Variants in HADHB observed in about 807,000 individuals in gnomAD.
HADHB encodes the protein hydroxyacyl-CoA dehydrogenase trifunctional multienzyme complex subunit beta.
HADHB carries 50 observed loss-of-function variants against 61.9 expected under a neutral mutation model. The observed-to-expected ratio is 0.81, with a 90% CI of 0.64 to 1.02. The LOEUF (loss-of-function observed/expected upper bound fraction) is 1.02, where lower values mean the gene tolerates loss of function less well. Among genes scored for constraint, HADHB ranks in the 50% least tolerant of loss-of-function variants. The pLI is 0.00. For missense variants in HADHB, 504 were observed against 586.5 expected (o/e 0.86, Z 1.45); for synonymous variants, 191 against 201.6 (o/e 0.95, Z 0.45).
chr2:26,254,275 C>G lies in HADHB; in HGVS notation c.21C>G (p.Pro7=). The G allele has an allele frequency of 6.6e-7, 1 of 1,504,652 alleles. No homozygotes were observed. Among genetic ancestry groups the G allele is most frequent in the African/African-American group, 1.4e-5 (1 of 73,046 alleles). The allele number at this position is 1,504,652 out of a possible 1,614,324, so 93.2% of individuals were successfully genotyped here. MTILTY[P]FKNLPTASKW... The stretch of plus-strand genomic sequence containing the variant: ...CCAGAATGACTATCTTGACTTACCC[C>G]TTTAAAAATCTTCCCACTGCATCAA... Residue 7 remains proline (P), a synonymous_variant, in exon 2 of 16, where the codon CCC becomes CCG. Coordinates refer to ENST00000317799, the MANE Select transcript of HADHB (RefSeq NM_000183.3).
chr2:26,272,969 G>A (rs1358250773), intron 5 of HADHB, among the ~76,000 whole-genome samples: 1 of 151,962 alleles, frequency 6.6e-6, no homozygotes, highest in Non-Finnish European at 1.5e-5. Context: ...TGTAGCCCCA[G>A]CTACTCAGGA....
At chr2:26,262,411 T>C (rs978481274) in intron 3 of HADHB, among the ~76,000 whole-genome samples, 1 of 152,248 alleles carries the variant, frequency 6.6e-6, no homozygotes, top group Non-Finnish European at 1.5e-5. Context: ...AAGAAACGAT[T>C]TGAAAGTATA....
At chr2:26,277,253 T>TTTG in intron 7 of HADHB, 93 bp downstream of exon 7, 1 of 645,772 alleles carries the variant, frequency 1.5e-6, no homozygotes, top group Non-Finnish European at 2.7e-6. Flanking sequence ...TTTTTTTTTT[T>TTTG]TTAACACAGA....
At chr2:26,254,053 T>C (rs1473109950) in intron 1 of HADHB, among the ~76,000 whole-genome samples, 194 bp from the exon 2 acceptor site, 1 of 152,068 alleles carries the variant, frequency 6.6e-6, no homozygotes, top group African/African-American at 2.4e-5. Flanking sequence ...ATGCTTAGAA[T>C]AGTGGTTGCT....
intron 10 of HADHB, among the ~76,000 whole-genome samples, chr2:26,282,123 C>CAGCT (rs1298626985): frequency 2.6e-5 from 4 of 151,722 alleles, no homozygotes; most frequent in Non-Finnish European, 5.9e-5. Context: ...GGGCAGAAAG[C>CAGCT]AGCTGAGAGC....
intron 14 of HADHB, 86 bp downstream of exon 14, chr2:26,285,043 G>C (rs1672969187): frequency 1.3e-6 from 1 of 771,336 alleles, no homozygotes; most frequent in African/African-American, 1.7e-5. Flanking sequence ...GAATATGAAG[G>C]GAAAGCTTCT....
chr2:26,283,263 G>A (rs1337593184), intron 12 of HADHB, among the ~76,000 whole-genome samples: 1 of 152,024 alleles, frequency 6.6e-6, no homozygotes, highest in Non-Finnish European at 1.5e-5. Flanking sequence ...GGTGGCTCAC[G>A]CCTGTAATCC....
intron 1 of HADHB, among the ~76,000 whole-genome samples, chr2:26,251,940 C>T (rs1182848114): frequency 1.3e-5 from 2 of 152,208 alleles, no homozygotes; most frequent in Non-Finnish European, 2.9e-5. Context: ...GAATCAAGGG[C>T]ACTTTAGCTG....
At position 26,279,172 on chromosome 2, in the gene HADHB, T is replaced by C; in HGVS notation, c.668T>C (p.Met223Thr). The change falls in exon 9 of 16, where the codon ATG (methionine) becomes ACG (threonine). Residue 223 changes from methionine to threonine, a missense_variant. Coordinates refer to ENST00000317799, the MANE Select transcript of HADHB (RefSeq NM_000183.3). ...TCTGAGTTCTCCACCAGTGAGACCA[T>C]GGGCCACTCTGCAGACCGACTGGCC... is the stretch of plus-strand genomic sequence containing the variant. ...AVSEFSTSET[M>T]GHSADRLAAA... is the part of the protein sequence containing the mutation. 1 of 1,614,080 alleles carries C rather than the reference T, an allele frequency of 6.2e-7. No homozygotes were observed. The highest frequency in any genetic ancestry group is 1.1e-5 in the South Asian group (1 of 91,082).
intron 7 of HADHB, among the ~76,000 whole-genome samples, chr2:26,278,108 G>T (rs1672623880): frequency 6.6e-6 from 1 of 152,226 alleles, no homozygotes. Context: ...GTGTGGCGGG[G>T]AATGATGCCC....
At chr2:26,277,269 A>T in intron 7 of HADHB, 109 bp downstream of exon 7, 5 of 592,242 alleles carry the variant, frequency 8.4e-6, no homozygotes, top group African/African-American at 2.1e-5. Context: ...ACAGAACCTC[A>T]CTCTGTCACT....
At chr2:26,261,886 CCTTT>C (rs1359093246) in intron 3 of HADHB, among the ~76,000 whole-genome samples, 4 of 151,884 alleles carry the variant, frequency 2.6e-5, no homozygotes. Context: ...TTTCCTCTTT[CCTTT>C]CTTTCTATAT....
chr2:26,275,108 T>C (rs1672491293), intron 6 of HADHB, among the ~76,000 whole-genome samples: 1 of 152,154 alleles, frequency 6.6e-6, no homozygotes, highest in Non-Finnish European at 1.5e-5. Flanking sequence ...AGGGAGAGAT[T>C]GGGTTGAGGG....
At chr2:26,257,607 C>G (rs1420081051) in intron 3 of HADHB, among the ~76,000 whole-genome samples, 2 of 152,106 alleles carry the variant, frequency 1.3e-5, no homozygotes, top group Admixed American at 6.6e-5. Context: ...GGTTCCTCTT[C>G]GCTTCTCTTT....
chr2:26,261,368 T>G, intron 3 of HADHB: 1 of 263,118 alleles, frequency 3.8e-6, no homozygotes, highest in Non-Finnish European at 7.3e-6. Flanking sequence ...CAATATTTCA[T>G]GACTTTCTAA....
chr2:26,249,469 C>T (rs1671310935), intron 1 of HADHB, among the ~76,000 whole-genome samples: 2 of 152,060 alleles, frequency 1.3e-5, no homozygotes, highest in African/African-American at 4.8e-5. Context: ...CAAGATCGCG[C>T]CGCTGTACTC....
At chr2:26,288,336 A>T (rs376281406) in intron 15 of HADHB, among the ~76,000 whole-genome samples, 1 of 152,176 alleles carries the variant, frequency 6.6e-6, no homozygotes, top group South Asian at 2.1e-4. Flanking sequence ...CTACCTTATT[A>T]TGAATTCTTT....
intron 13 of HADHB, 141 bp downstream of exon 13, chr2:26,284,345 C>A: frequency 1.4e-6 from 1 of 726,536 alleles, no homozygotes; most frequent in Non-Finnish European, 2.5e-6. Context: ...ATTCACACTG[C>A]TGGGAGGGGC....
intron 4 of HADHB, among the ~76,000 whole-genome samples, chr2:26,267,107 ATCT>A (rs1395538782): frequency 6.6e-6 from 1 of 152,142 alleles, no homozygotes; most frequent in Non-Finnish European, 1.5e-5. Flanking sequence ...TGAAGAATGA[ATCT>A]TCTTATTTAA....
Sources: gnomAD v4.1 joint callset for allele counts (sites outside exome capture counted in the v4.1 genomes callset) on GRCh38, gnomAD v4.1.1 for gene constraint, MANE v1.5 for transcripts, NCBI Gene and HGNC (gene_info 2026-07-23, HGNC 2026-07-21) for gene names.